The following FHIP1A variants were observed in gnomAD, a reference collection of about 807,000 sequenced individuals.
The protein encoded by FHIP1A is FHF complex subunit HOOK-interacting protein 1A.
A neutral mutation model predicts 88.6 loss-of-function variants in FHIP1A; 61 were observed. The ratio of observed to expected loss-of-function variants is 0.69; its 90% confidence interval spans 0.56 to 0.85. The LOEUF is 0.85. FHIP1A is among the 40% of genes least tolerant of loss of function. The pLI, the probability that FHIP1A is intolerant of heterozygous loss-of-function variation, is 0.00. For missense variants in FHIP1A, 1,154 were observed against 1,273.5 expected, an observed-to-expected ratio of 0.91 and a Z score of 1.43; for synonymous variants, 478 against 496.0, an observed-to-expected ratio of 0.96 and a Z score of 0.48.
At chr4:151,601,763 G>A (rs1257343533) in intron 7 of FHIP1A, among the ~76,000 whole-genome samples, 2 of 151,694 alleles carry the variant, frequency 1.3e-5, no homozygotes, top group East Asian at 3.9e-4. Context: ...TACTACTGCT[G>A]TGTGAACTTG....
rs1473552085 is a variant in FHIP1A, at chr4:151,621,875, A to G, written c.979-7827A>G. ...GGAATGAGTTACGCTCTGCATTTTCAATGAAATGTTATTCACTATAAATGG... is the reference window on the plus strand; with the variant it reads ...GGAATGAGTTACGCTCTGCATTTTCGATGAAATGTTATTCACTATAAATGG... On this transcript the variant is annotated intron_variant, in intron 7 of 13. Coordinates refer to ENST00000435205, the MANE Select transcript of FHIP1A (RefSeq NM_001109977.3). Among the ~76,000 whole-genome samples, 3 of 152,004 alleles carry G rather than the reference A, an allele frequency of 2.0e-5. No individual in the cohort carries two copies. In the East Asian group the frequency reaches 5.8e-4, roughly 29 times the overall value.
At chr4:151,617,569 A>G (rs928192304) in intron 7 of FHIP1A, among the ~76,000 whole-genome samples, 13 of 152,022 alleles carry the variant, frequency 8.6e-5, no homozygotes, top group African/African-American at 3.1e-4. Context: ...TATCCTTTCC[A>G]TTCCTTGCCT....
At chr4:151,428,196 A>C (rs1733458039) in intron 1 of FHIP1A, among the ~76,000 whole-genome samples, 1 of 152,150 alleles carries the variant, frequency 6.6e-6, no homozygotes, top group African/African-American at 2.4e-5. Context: ...TTTTACATAA[A>C]ATGAGATACA....
chr4:151,434,228 G>A (rs539029898), intron 1 of FHIP1A, among the ~76,000 whole-genome samples: 18 of 151,968 alleles, frequency 1.2e-4, no homozygotes, highest in Admixed American at 5.2e-4. Context: ...TATACTCTTT[G>A]GCTGTAAGTC....
chr4:151,596,298 G>A (rs927642338), intron 7 of FHIP1A, among the ~76,000 whole-genome samples: 1 of 152,188 alleles, frequency 6.6e-6, no homozygotes, highest in Non-Finnish European at 1.5e-5. Context: ...TACTTTGGCT[G>A]GATATGAAAT....
intron 3 of FHIP1A, among the ~76,000 whole-genome samples, chr4:151,502,771 G>T (rs1730698099): frequency 6.6e-6 from 1 of 152,162 alleles, no homozygotes; most frequent in African/African-American, 2.4e-5. Context: ...ACAATTTTGT[G>T]TTCAATTCAT....
At chr4:151,618,194 C>G (rs1034977032) in intron 7 of FHIP1A, among the ~76,000 whole-genome samples, 6 of 152,184 alleles carry the variant, frequency 3.9e-5, no homozygotes, top group Non-Finnish European at 1.5e-5. Context: ...AAGTGGCTAG[C>G]ACTCATCACT....
At position 151,666,618 on chromosome 4, in the gene FHIP1A, A is replaced by G. The variant is rs979473616; in HGVS notation, c.*3864A>G. On this transcript the variant is annotated 3_prime_UTR_variant, in exon 14 of 14. Coordinates refer to ENST00000435205, the MANE Select transcript of FHIP1A (RefSeq NM_001109977.3). The stretch of plus-strand genomic sequence containing the variant: ...TGTTTAATTTGGGCAGCCAGTGGGT[A>G]CTCAGGGTCGAAAGTTGTTTCCAGT... Among the ~76,000 whole-genome samples, 2 of 152,164 alleles carry G rather than the reference A, an allele frequency of 1.3e-5. No homozygotes were observed. Among genetic ancestry groups the G allele is most frequent in the African/African-American group, 2.4e-5 (1 of 41,424 alleles).
At chr4:151,450,266 T>A (rs1210198011) in intron 1 of FHIP1A, among the ~76,000 whole-genome samples, 5 of 152,110 alleles carry the variant, frequency 3.3e-5, no homozygotes, top group African/African-American at 1.2e-4. Flanking sequence ...AATAGTTTTT[T>A]TATATATTCT....
chr4:151,646,494 G>T lies in FHIP1A; in HGVS notation c.1227-64G>T, dbSNP rs1031957923. The T allele has an allele frequency of 7.7e-6, 9 of 1,174,070 alleles. No homozygotes were observed. The African/African-American group carries it at 1.4e-4, about 18-fold the overall frequency. The allele number at this position is 1,174,070 out of a possible 1,614,324, so 72.7% of individuals were successfully genotyped here. A position where few individuals can be genotyped will look rare whatever the true frequency, so the allele number is the denominator to read the frequency against. On this transcript the variant is annotated intron_variant, in intron 9 of 13. Transcript: ENST00000435205. ...CACAAGGAGTCCCTGTTATGGTTTA[G>T]TTAGTCCCAGTAATGGTTCAAGACA... is the stretch of plus-strand genomic sequence containing the variant.
chr4:151,508,784 C>T (rs183423458), intron 3 of FHIP1A, among the ~76,000 whole-genome samples: 7 of 152,072 alleles, frequency 4.6e-5, no homozygotes, highest in East Asian at 3.9e-4. Context: ...AGAGACAGAG[C>T]GGAGCAAACA....
chr4:151,662,747 G>A lies in FHIP1A; in HGVS notation c.3116G>A (p.Cys1039Tyr). 6.9e-7 allele frequency: 1 copy of A among 1,446,070 alleles called. No individual in the cohort carries two copies. The highest frequency in any genetic ancestry group is 9.0e-7 in the Non-Finnish European group (1 of 1,108,658). The allele number at this position is 1,446,070 out of a possible 1,614,324, so 89.6% of individuals were successfully genotyped here. A position where few individuals can be genotyped will look rare whatever the true frequency, so the allele number is the denominator to read the frequency against. Residue 1039 changes from cysteine to tyrosine, a missense_variant, in exon 14 of 14, where the codon TGC (cysteine) becomes TAC (tyrosine). Transcript: ENST00000435205. ...YKILGDFEDS[C>Y]C ...ATCTTGGGTGACTTTGAGGACTCCT[G>A]CTGTTAGCTTTTTTTTTTTTTTTTA...
chr4:151,517,854 A>G (rs1020477469), intron 3 of FHIP1A, among the ~76,000 whole-genome samples: 1 of 152,162 alleles, frequency 6.6e-6, no homozygotes, highest in African/African-American at 2.4e-5. Flanking sequence ...ATATAAATAA[A>G]GAAAATATTT....
chr4:151,642,396 T>G (rs748396312), intron 9 of FHIP1A, among the ~76,000 whole-genome samples: 1 of 152,152 alleles, frequency 6.6e-6, no homozygotes, highest in African/African-American at 2.4e-5. Flanking sequence ...AGAGAAGCTG[T>G]GTGTATACTT....
chr4:151,544,919 A>T (rs1423639733), intron 3 of FHIP1A, among the ~76,000 whole-genome samples: 1 of 152,152 alleles, frequency 6.6e-6, no homozygotes, highest in Non-Finnish European at 1.5e-5. Flanking sequence ...TCTACAAAAA[A>T]ATACAAAAAT....
chr4:151,623,161 T>C (rs1422713871), intron 7 of FHIP1A, among the ~76,000 whole-genome samples: 2 of 152,242 alleles, frequency 1.3e-5, no homozygotes, highest in East Asian at 3.8e-4. Context: ...ATGACAGCTT[T>C]ATTCTTGTTC....
intron 1 of FHIP1A, among the ~76,000 whole-genome samples, chr4:151,418,172 T>TAAAAAAAA (rs1040622837): frequency 2.6e-5 from 2 of 77,942 alleles, no homozygotes; most frequent in Non-Finnish European, 4.7e-5. Flanking sequence ...AACCTATCTC[T>TAAAAAAAA]AAAAAAAAAA....
intron 1 of FHIP1A, among the ~76,000 whole-genome samples, chr4:151,449,556 A>G (rs1330488298): frequency 6.6e-6 from 1 of 152,028 alleles, no homozygotes; most frequent in Non-Finnish European, 1.5e-5. Context: ...CCTCTCTCCT[A>G]ACTATTTTGT....
intron 3 of FHIP1A, among the ~76,000 whole-genome samples, chr4:151,551,693 T>G (rs1339420625): frequency 6.6e-6 from 1 of 152,178 alleles, no homozygotes; most frequent in Non-Finnish European, 1.5e-5. Flanking sequence ...TCAAGATGGA[T>G]TAAAGACTTA....
Sources: gnomAD v4.1 joint callset for allele counts (sites outside exome capture counted in the v4.1 genomes callset) on GRCh38, gnomAD v4.1.1 for gene constraint, MANE v1.5 for transcripts, NCBI Gene and HGNC (gene_info 2026-07-23, HGNC 2026-07-21) for gene names.